Variants in AGBL4 observed in about 807,000 individuals in gnomAD.
The protein encoded by AGBL4 is cytosolic carboxypeptidase 6.
A neutral mutation model predicts 66.4 loss-of-function variants in AGBL4; 58 were observed. That is an observed-to-expected ratio of 0.87 (90% CI 0.71 to 1.09). The LOEUF (loss-of-function observed/expected upper bound fraction) is 1.09. Ranked by LOEUF, AGBL4 falls within the 50% of genes least tolerant of loss-of-function variation. The pLI, the probability that AGBL4 is intolerant of heterozygous loss-of-function variation, is 0.00. For synonymous variants in AGBL4, 234 were observed against 222.9 expected (o/e 1.05, Z -0.44); for missense variants, 579 against 631.0 (o/e 0.92, Z 0.88).
intron 3 of AGBL4, among the ~76,000 whole-genome samples, chr1:49,327,966 G>GA (rs1473829477): frequency 2.0e-5 from 3 of 152,070 alleles, no homozygotes; most frequent in East Asian, 1.9e-4. Flanking sequence ...TAACAGGTGA[G>GA]AAAAAAAGAG....
intron 3 of AGBL4, among the ~76,000 whole-genome samples, chr1:49,300,233 T>G (rs562140972): frequency 6.6e-6 from 1 of 152,326 alleles, no homozygotes; most frequent in South Asian, 2.1e-4. Flanking sequence ...GTAGTAAAAG[T>G]ACAAGAGCAG....
intron 4 of AGBL4, among the ~76,000 whole-genome samples, chr1:49,076,015 T>G (rs956390328): frequency 2.6e-5 from 4 of 152,248 alleles, no homozygotes; most frequent in Non-Finnish European, 4.4e-5. Flanking sequence ...TCTAATGCCC[T>G]GGCAATCGGC....
chr1:48,847,320 A>G (rs1279810895), intron 6 of AGBL4, among the ~76,000 whole-genome samples: 2 of 149,676 alleles, frequency 1.3e-5, no homozygotes, highest in Admixed American at 1.4e-4. Flanking sequence ...ACAAAAACTT[A>G]CTCTACCAGA....
At chr1:48,697,541 A>G (rs1023218538) in intron 6 of AGBL4, among the ~76,000 whole-genome samples, 1 of 152,238 alleles carries the variant, frequency 6.6e-6, no homozygotes, top group South Asian at 2.1e-4. Context: ...TTGGGTCCCC[A>G]TCTACTGACT....
At chr1:49,958,603 C>A (rs1485928449) in intron 1 of AGBL4, among the ~76,000 whole-genome samples, 1 of 148,718 alleles carries the variant, frequency 6.7e-6, no homozygotes, top group Non-Finnish European at 1.5e-5. Flanking sequence ...GAGAGAAGAC[C>A]AAATACCACA....
intron 3 of AGBL4, among the ~76,000 whole-genome samples, chr1:49,385,843 A>T (rs927187245): frequency 1.3e-5 from 2 of 152,064 alleles, no homozygotes; most frequent in Non-Finnish European, 2.9e-5. Context: ...CCCTAATACA[A>T]AAGGGGATGA....
chr1:48,994,969 T>C (rs559437042), intron 5 of AGBL4, among the ~76,000 whole-genome samples: 10 of 152,104 alleles, frequency 6.6e-5, no homozygotes, highest in African/African-American at 1.9e-4. Context: ...TGAAAGAAAA[T>C]ACAAAATTTC....
chr1:48,839,721 T>A (rs1252868984), intron 6 of AGBL4, among the ~76,000 whole-genome samples: 1 of 151,980 alleles, frequency 6.6e-6, no homozygotes, highest in Non-Finnish European at 1.5e-5. Flanking sequence ...CCAGGAAAAA[T>A]AAGAAATGGG....
chr1:49,035,494 C>A (rs1664569477), intron 5 of AGBL4, among the ~76,000 whole-genome samples: 1 of 152,160 alleles, frequency 6.6e-6, no homozygotes, highest in Admixed American at 6.5e-5. Context: ...TGACATACTT[C>A]TGGGGTCTTG....
intron 6 of AGBL4, among the ~76,000 whole-genome samples, chr1:48,669,049 T>C (rs1646234978): frequency 6.6e-6 from 1 of 152,140 alleles, no homozygotes; most frequent in South Asian, 2.1e-4. Flanking sequence ...GAGGACCGTG[T>C]TCCCTGTGTT....
chr1:49,696,283 G>A (rs773971772), intron 3 of AGBL4, among the ~76,000 whole-genome samples: 30 of 151,984 alleles, frequency 2.0e-4, no homozygotes, highest in Non-Finnish European at 4.1e-4. Flanking sequence ...GTTTATTCAA[G>A]CATACGTTTT....
intron 2 of AGBL4, among the ~76,000 whole-genome samples, chr1:49,807,849 G>T (rs1419156710): frequency 6.6e-6 from 1 of 152,188 alleles, no homozygotes. Context: ...AATAGGATAA[G>T]TGACCTTACA....
intron 2 of AGBL4, among the ~76,000 whole-genome samples, chr1:49,790,256 C>T (rs1453664564): frequency 6.7e-6 from 1 of 149,998 alleles, no homozygotes; most frequent in African/African-American, 2.5e-5. Context: ...GTCAACTACT[C>T]GGGAGGCTGA....
chr1:48,577,161 G>A (rs1165796888), intron 11 of AGBL4, among the ~76,000 whole-genome samples: 1 of 152,194 alleles, frequency 6.6e-6, no homozygotes, highest in African/African-American at 2.4e-5. Flanking sequence ...GAAACTGGTT[G>A]GAGCTAATCT....
intron 3 of AGBL4, among the ~76,000 whole-genome samples, chr1:49,249,412 C>G (rs1336696363): frequency 1.3e-5 from 2 of 151,790 alleles, no homozygotes; most frequent in African/African-American, 2.4e-5. Flanking sequence ...GGAAAAAGAC[C>G]TGAATAGACA....
At chr1:48,941,729 T>C (rs1014893216) in intron 5 of AGBL4, among the ~76,000 whole-genome samples, 7 of 152,230 alleles carry the variant, frequency 4.6e-5, no homozygotes, top group Admixed American at 2.6e-4. Flanking sequence ...GGTTTTTTCA[T>C]GTTATCTCAT....
chr1:49,867,261 T>C (rs1016149812), intron 1 of AGBL4, among the ~76,000 whole-genome samples: 2 of 151,550 alleles, frequency 1.3e-5, no homozygotes, highest in Non-Finnish European at 2.9e-5. Flanking sequence ...CTAATTTTCA[T>C]GATTTCTATA....
chr1:49,265,273 A>T (rs1643892462), intron 3 of AGBL4, among the ~76,000 whole-genome samples: 1 of 152,174 alleles, frequency 6.6e-6, no homozygotes, highest in South Asian at 2.1e-4. Context: ...CTCAGTGGGG[A>T]AAAGCTCTTT....
At position 49,922,319 on chromosome 1, in the gene AGBL4, C is replaced by T. The variant is rs1049317619; in HGVS notation, c.35-70801G>A. ...GGAACATAGCTCAAAATAATAAGAGCCATATATAACAAACCCACAGCTAAC... is the reference window on the plus strand; with the variant it reads ...GGAACATAGCTCAAAATAATAAGAGTCATATATAACAAACCCACAGCTAAC... On this transcript the variant is annotated intron_variant, in intron 1 of 13. Transcript: ENST00000371839. 1.8e-4 allele frequency among the ~76,000 whole-genome samples: 28 copies of T among 151,992 alleles called. 1 individual carries two copies. The highest frequency in any genetic ancestry group is 3.2e-4 in the Non-Finnish European group (22 of 68,014).
Sources: allele counts gnomAD v4.1 joint callset (sites outside exome capture counted in the v4.1 genomes callset), GRCh38; gene constraint gnomAD v4.1.1; transcripts MANE v1.5; gene names NCBI Gene and HGNC (gene_info 2026-07-23, HGNC 2026-07-21).